CYP4Z1: variants seen among roughly 807,000 people sequenced by gnomAD.
The protein encoded by CYP4Z1 is cytochrome P450 4Z1.
A neutral mutation model predicts 54.2 loss-of-function variants in CYP4Z1; 41 were observed. The ratio of observed to expected loss-of-function variants is 0.76; its 90% CI spans 0.59 to 0.98. CYP4Z1 has a LOEUF of 0.98. CYP4Z1 is among the 50% of genes least tolerant of loss of function. The pLI, the probability that CYP4Z1 is intolerant of heterozygous loss-of-function variation, is 0.00. For synonymous variants in CYP4Z1, 163 were observed against 206.2 expected, an observed-to-expected ratio of 0.79 and a Z score of 1.79; for missense variants, 513 against 599.0, an observed-to-expected ratio of 0.86 and a Z score of 1.50.
At chr1:47,107,523 C>T (rs146810108) in intron 9 of CYP4Z1, among the ~76,000 whole-genome samples, 1 of 152,224 alleles carries the variant, frequency 6.6e-6, no homozygotes, top group Non-Finnish European at 1.5e-5. Context: ...CATCCATACA[C>T]ATAATATTCC....
At chr1:47,106,061 C>T in intron 8 of CYP4Z1, 67 bp from the exon 9 acceptor site, 3 of 1,536,698 alleles carry the variant, frequency 2.0e-6, no homozygotes, top group Non-Finnish European at 2.6e-6. Flanking sequence ...TGGAGAAAAG[C>T]TGGGCTTTCA....
At chr1:47,058,215 C>T in the CYP4Z1 span, among the ~76,000 whole-genome samples, 1 of 152,052 alleles carries the variant, frequency 6.6e-6, no homozygotes, top group African/African-American at 2.4e-5. Context: ...TTGGCTTCTA[C>T]TACAAAGTTG....
At chr1:47,106,707 T>C (rs946484929) in intron 9 of CYP4Z1, among the ~76,000 whole-genome samples, 2 of 152,042 alleles carry the variant, frequency 1.3e-5, no homozygotes, top group African/African-American at 2.4e-5. Context: ...CAGAGGGAAA[T>C]TGTGGGACTA....
At chr1:47,079,375 A>G (rs1311152512) in intron 2 of CYP4Z1, among the ~76,000 whole-genome samples, 1 of 152,140 alleles carries the variant, frequency 6.6e-6, no homozygotes, top group Non-Finnish European at 1.5e-5. Flanking sequence ...AAAGTTGACT[A>G]TAACAGTTTT....
intron 9 of CYP4Z1, among the ~76,000 whole-genome samples, chr1:47,107,837 A>G (rs1644767393): frequency 6.6e-6 from 1 of 151,788 alleles, no homozygotes; most frequent in South Asian, 2.1e-4. Context: ...TTTCTGTTTC[A>G]TGTTCCTTTC....
intron 8 of CYP4Z1, among the ~76,000 whole-genome samples, chr1:47,103,595 C>CT (rs373166937): frequency 0.072 from 6,916 of 95,910 alleles, 325 homozygotes; most frequent in East Asian, 0.24. Context: ...TCTTTTTTTT[C>CT]TTTTTTTTTT....
intron 2 of CYP4Z1, among the ~76,000 whole-genome samples, chr1:47,076,707 C>T (rs1469941101): frequency 6.7e-6 from 1 of 150,356 alleles, no homozygotes; most frequent in Admixed American, 6.6e-5. Context: ...TAGCCGGGAG[C>T]GGTGGCGGGC....
In CYP4Z1 at chr1:47,082,367, G is replaced by A. The variant is rs1399206420; in HGVS notation, c.398G>A (p.Trp133Ter). The change falls in exon 4 of 12, where the codon TGG becomes TAG. Residue 133 changes from tryptophan to a stop codon, truncating the protein, a stop_gained. Transcript: ENST00000334194. LOFTEE classifies it high-confidence loss of function. ...RGLVTLDGSK[W>*]KKHRQIVKPG... ...CTTGTGACCCTGGATGGTTCTAAAT[G>A]GAAAAAGCACCGCCAGATTGTGAAA... 1 of 1,612,424 alleles carries A rather than the reference G, an allele frequency of 6.2e-7. No homozygotes were observed. The highest frequency in any genetic ancestry group is 1.1e-5 in the South Asian group (1 of 90,670).
At position 47,068,627 on chromosome 1, in the gene CYP4Z1, C is replaced by T; in HGVS notation, c.183C>T (p.Tyr61=). 1 of 1,613,854 alleles carries T rather than the reference C, an allele frequency of 6.2e-7. No individual in the cohort carries two copies. Among genetic ancestry groups the T allele is most frequent in the South Asian group, 1.1e-5 (1 of 91,028 alleles). Residue 61 remains tyrosine, a synonymous_variant, in exon 2 of 12, where the codon TAC becomes TAT. Transcript: ENST00000334194. The part of the protein sequence containing the change: ...AHWFYGHKEF[Y]PVKEFEVYHK... ...CATGACTTATCTTATGACAGTTTTA[C>T]CCAGTAAAGGAGTTTGAGGTGTATC...
At chr1:47,115,437 A>T (rs1260609594) in intron 9 of CYP4Z1, 92 bp from the exon 10 acceptor site, 6 of 1,184,532 alleles carry the variant, frequency 5.1e-6, no homozygotes, top group Middle Eastern at 2.1e-4. Flanking sequence ...CCTAAAACTT[A>T]AAGTATAATT....
chr1:47,094,383 G>A (rs1422414809), intron 6 of CYP4Z1, among the ~76,000 whole-genome samples, 183 bp from the exon 7 acceptor site: 5 of 151,186 alleles, frequency 3.3e-5, no homozygotes, highest in Non-Finnish European at 4.4e-5. Context: ...GTGGCTAAAA[G>A]GTGGGATGGG....
At chr1:47,072,662 G>C (rs1644490615) in intron 2 of CYP4Z1, among the ~76,000 whole-genome samples, 1 of 98,798 alleles carries the variant, frequency 1.0e-5, no homozygotes, top group South Asian at 4.7e-4. Flanking sequence ...CATAAATTCA[G>C]TCAGCAAAAA....
chr1:47,114,741 A>G (rs1158613186), intron 9 of CYP4Z1, among the ~76,000 whole-genome samples: 2 of 152,206 alleles, frequency 1.3e-5, no homozygotes, highest in African/African-American at 4.8e-5. Flanking sequence ...CAAAACCACA[A>G]TGAGATACCA....
rs1644670714 is a variant in CYP4Z1, at chr1:47,095,461, T to G, written c.876+792T>G. 3.3e-5 allele frequency among the ~76,000 whole-genome samples: 5 copies of G among 152,212 alleles called. No homozygotes were observed. The South Asian group carries it at 1.0e-3, about 31-fold the overall frequency. Reference sequence around the variant, plus strand: ...CTTGGCAATCAACAGTCACTCAATATATGACAACTATTGTTGCACACCAGG... The same window carrying G: ...CTTGGCAATCAACAGTCACTCAATAGATGACAACTATTGTTGCACACCAGG... On this transcript the variant is annotated intron_variant, in intron 7 of 11. Coordinates refer to ENST00000334194, the MANE Select transcript of CYP4Z1 (RefSeq NM_178134.3).
chr1:47,076,656 TA>T (rs1028769170), intron 2 of CYP4Z1, among the ~76,000 whole-genome samples: 8 of 151,398 alleles, frequency 5.3e-5, no homozygotes, highest in African/African-American at 1.9e-4. Flanking sequence ...CCATCCTGGC[TA>T]ACACAGTGAA....
In CYP4Z1 at chr1:47,098,228, T is replaced by C. The variant is rs143145905; in HGVS notation, c.877-866T>C. 2.0e-5 allele frequency among the ~76,000 whole-genome samples: 3 copies of C among 152,378 alleles called. No individual in the cohort carries two copies. The East Asian group carries it at 5.8e-4, about 29-fold the overall frequency. The stretch of plus-strand genomic sequence containing the variant: ...TTGGGCAATATGGCCATTTTCATGA[T>C]ATTGATTCTTCCTATCCATGAGCAT... On this transcript the variant is annotated intron_variant, in intron 7 of 11. Transcript: ENST00000334194.
chr1:47,063,610 C>G (rs1191034514), upstream of CYP4Z1, among the ~76,000 whole-genome samples: 1 of 151,750 alleles, frequency 6.6e-6, no homozygotes, highest in Non-Finnish European at 1.5e-5. Context: ...TGGAAAGTCT[C>G]AGCAATAAAA....
At chr1:47,060,583 T>A in the CYP4Z1 span, among the ~76,000 whole-genome samples, 1 of 152,190 alleles carries the variant, frequency 6.6e-6, no homozygotes, top group Non-Finnish European at 1.5e-5. Context: ...ACAAAGAGAC[T>A]TAGACTCACA....
At position 47,094,600 on chromosome 1, in the gene CYP4Z1, G is replaced by A. The variant is rs1449535503; in HGVS notation, c.807G>A (p.Lys269=). The change falls in exon 7 of 12, where the codon AAG becomes AAA. Residue 269 remains lysine, a synonymous_variant. Transcript: ENST00000334194. The part of the protein sequence containing the change: ...KVIQDRKESL[K]DKLKQDTTQK... ...TCCAGGACCGGAAGGAGTCTCTTAA[G>A]GATAAGCTAAAACAAGATACTACTC... 3.7e-6 allele frequency: 6 copies of A among 1,608,070 alleles called. No individual in the cohort carries two copies. Among genetic ancestry groups the A allele is most frequent in the Non-Finnish European group, 5.1e-6 (6 of 1,178,204 alleles).
Sources: gnomAD v4.1 joint callset for allele counts (sites outside exome capture counted in the v4.1 genomes callset) on GRCh38, gnomAD v4.1.1 for gene constraint, MANE v1.5 for transcripts, NCBI Gene and HGNC (gene_info 2026-07-23, HGNC 2026-07-21) for gene names.